The following MIPOL1 variants were observed in gnomAD, a reference collection of about 807,000 sequenced individuals.
MIPOL1 encodes mirror-image polydactyly 1, also known as mirror-image polydactyly gene 1 protein.
MIPOL1 carries 57 observed loss-of-function variants against 60.9 expected under a neutral mutation model. The observed-to-expected ratio is 0.94, with a 90% CI of 0.76 to 1.17. The LOEUF is 1.17. Ranked by LOEUF, MIPOL1 falls within the 50% of genes most tolerant of loss-of-function variation. The pLI, the probability that MIPOL1 is intolerant of heterozygous loss-of-function variation, is 0.00. For missense variants in MIPOL1, 551 were observed against 511.6 expected, an observed-to-expected ratio of 1.08 and a Z score of -0.74; for synonymous variants, 179 against 168.8, an observed-to-expected ratio of 1.06 and a Z score of -0.47.
intron 9 of MIPOL1, among the ~76,000 whole-genome samples, chr14:37,357,235 A>C (rs188459823): frequency 6.6e-6 from 1 of 152,288 alleles, no homozygotes; most frequent in African/African-American, 2.4e-5. Flanking sequence ...ACAGATGGGC[A>C]GTTTGCAAGT....
intron 1 of MIPOL1, among the ~76,000 whole-genome samples, chr14:37,246,615 A>G (rs1444556851): frequency 6.6e-6 from 1 of 152,124 alleles, no homozygotes; most frequent in African/African-American, 2.4e-5. Context: ...TACTCCCAGT[A>G]TATTTGTTGC....
At chr14:37,415,462 A>C (rs1012628313) in intron 10 of MIPOL1, among the ~76,000 whole-genome samples, 6 of 151,582 alleles carry the variant, frequency 4.0e-5, no homozygotes, top group Non-Finnish European at 8.8e-5. Context: ...TCTCTACTAA[A>C]AAAAAAAATA....
intron 7 of MIPOL1, among the ~76,000 whole-genome samples, chr14:37,285,808 G>A (rs767057296): frequency 1.3e-5 from 2 of 151,776 alleles, no homozygotes; most frequent in African/African-American, 4.8e-5. Context: ...TAGCCAGGAT[G>A]GTCTCGAACT....
intron 6 of MIPOL1, among the ~76,000 whole-genome samples, chr14:37,273,107 A>G (rs1239157967): frequency 3.3e-5 from 5 of 151,292 alleles, no homozygotes; most frequent in African/African-American, 1.2e-4. Context: ...TGATACATTT[A>G]TAATTTGAGA....
intron 11 of MIPOL1, among the ~76,000 whole-genome samples, chr14:37,453,690 TAC>T (rs1245153540): frequency 1.3e-5 from 2 of 152,194 alleles, no homozygotes; most frequent in Non-Finnish European, 2.9e-5. Flanking sequence ...TAATATTATC[TAC>T]ACATTTGGAA....
chr14:37,208,875 G>A (rs993425319), intron 1 of MIPOL1, among the ~76,000 whole-genome samples: 3 of 152,162 alleles, frequency 2.0e-5, no homozygotes, highest in Admixed American at 1.3e-4. Flanking sequence ...ACAGGCATGA[G>A]CCACTGTGCC....
intron 11 of MIPOL1, among the ~76,000 whole-genome samples, chr14:37,480,757 A>G (rs766484323): frequency 2.6e-5 from 4 of 152,186 alleles, no homozygotes; most frequent in Non-Finnish European, 4.4e-5. Context: ...GGAAAGAAAG[A>G]AGTGAAATTG....
intron 12 of MIPOL1, chr14:37,504,247 C>A (rs1235997844): frequency 6.6e-6 from 1 of 152,152 alleles, no homozygotes; most frequent in Non-Finnish European, 1.5e-5. Context: ...AGCTCGGCAC[C>A]AAGCAGACCT....
At chr14:37,201,105 A>G (rs1965263791) in intron 1 of MIPOL1, among the ~76,000 whole-genome samples, 1 of 151,522 alleles carries the variant, frequency 6.6e-6, no homozygotes, top group African/African-American at 2.4e-5. Flanking sequence ...GGGTTTTGCC[A>G]TGTTGCCCAG....
chr14:37,397,552 C>T (rs2093397653), intron 10 of MIPOL1, among the ~76,000 whole-genome samples: 1 of 152,110 alleles, frequency 6.6e-6, no homozygotes. Context: ...CCTAAAATTC[C>T]CAAGAGTACA....
chr14:37,245,366 A>AATT (rs1973031595), intron 1 of MIPOL1, among the ~76,000 whole-genome samples: 2 of 152,142 alleles, frequency 1.3e-5, no homozygotes, highest in Non-Finnish European at 2.9e-5. Flanking sequence ...GAGGATTTAA[A>AATT]CACATTGGCA....
intron 10 of MIPOL1, among the ~76,000 whole-genome samples, chr14:37,390,244 AC>A (rs1328079937): frequency 6.6e-6 from 1 of 151,952 alleles, no homozygotes; most frequent in African/African-American, 2.4e-5. Context: ...AAAACAAAAA[AC>A]AACTAGAGGC....
chr14:37,452,989 C>T (rs2094439201), intron 11 of MIPOL1, among the ~76,000 whole-genome samples: 1 of 152,080 alleles, frequency 6.6e-6, no homozygotes, highest in Admixed American at 6.6e-5. Context: ...AAACCTTAGG[C>T]AATGGTATTA....
At chr14:37,309,584 A>T (rs1375579226) in intron 9 of MIPOL1, among the ~76,000 whole-genome samples, 1 of 151,934 alleles carries the variant, frequency 6.6e-6, no homozygotes, top group Non-Finnish European at 1.5e-5. Flanking sequence ...CTCTGTGGTC[A>T]TACTCTGTTC....
intron 3 of MIPOL1, among the ~76,000 whole-genome samples, chr14:37,253,320 T>TA (rs969076433): frequency 2.6e-5 from 4 of 151,774 alleles, no homozygotes; most frequent in African/African-American, 9.7e-5. Flanking sequence ...TAAATCTTTG[T>TA]AAGCTTGAGT....
chr14:37,469,831 T>G (rs985706205), intron 11 of MIPOL1, among the ~76,000 whole-genome samples: 1 of 152,176 alleles, frequency 6.6e-6, no homozygotes, highest in East Asian at 1.9e-4. Context: ...CACCATGGGA[T>G]GACCCTCACC....
intron 1 of MIPOL1, among the ~76,000 whole-genome samples, chr14:37,214,341 G>A (rs2139367935): frequency 6.6e-6 from 1 of 152,274 alleles, no homozygotes; most frequent in African/African-American, 2.4e-5. Context: ...ATGAAGTTAA[G>A]GCATAGAGTT....
chr14:37,327,589 C>G (rs2089283397), intron 9 of MIPOL1, among the ~76,000 whole-genome samples: 1 of 152,120 alleles, frequency 6.6e-6, no homozygotes, highest in African/African-American at 2.4e-5. Context: ...CTGGCCAATT[C>G]AAGCAGTCTT....
chr14:37,475,917 C>T (rs957580319), intron 11 of MIPOL1, among the ~76,000 whole-genome samples: 2 of 152,072 alleles, frequency 1.3e-5, no homozygotes, highest in African/African-American at 4.8e-5. Flanking sequence ...CTTTTGCCTC[C>T]CCACATAAGC....
Sources: gnomAD v4.1 joint callset for allele counts (sites outside exome capture counted in the v4.1 genomes callset) on GRCh38, gnomAD v4.1.1 for gene constraint, MANE v1.5 for transcripts, NCBI Gene and HGNC (gene_info 2026-07-23, HGNC 2026-07-21) for gene names.